The following ABI3BP variants were observed in gnomAD, a reference collection of about 807,000 sequenced individuals.
ABI3BP encodes the protein target of Nesh-SH3.
ABI3BP carries 216 observed loss-of-function variants against 268.6 expected under a neutral mutation model. The observed-to-expected ratio is 0.80, with a 90% CI of 0.72 to 0.90. ABI3BP has a LOEUF of 0.90. Ranked by LOEUF, ABI3BP falls within the 40% of genes least tolerant of loss-of-function variation. The probability of loss-of-function intolerance (pLI) is 0.00; values close to 1 mark genes in which losing one functional copy is unlikely to be tolerated. For synonymous variants in ABI3BP, 730 were observed against 730.0 expected, an observed-to-expected ratio of 1.00 and a Z score of 0.00; for missense variants, 2,090 against 2,182.4, an observed-to-expected ratio of 0.96 and a Z score of 0.84.
chr3:100,749,747 G>T lies in ABI3BP; in HGVS notation c.*748C>A, dbSNP rs747399919. 1.5e-5 allele frequency: 6 copies of T among 398,362 alleles called. No individual in the cohort carries two copies. Among genetic ancestry groups the T allele is most frequent in the Non-Finnish European group, 2.7e-5 (6 of 225,752 alleles). 24.7% of individuals were successfully genotyped at this position (398,362 alleles called of 1,614,324 possible). On this transcript the variant is annotated 3_prime_UTR_variant, in exon 68 of 68. Coordinates refer to ENST00000471714, the MANE Select transcript of ABI3BP (RefSeq NM_001375547.2). ...TCATAAAAACAATATGAAGACGATT[G>T]CATAAAGGGATAGTTTGACAAAGCA... is the stretch of plus-strand genomic sequence containing the variant.
chr3:100,841,921 ACCC>A, intron 21 of ABI3BP, 74 bp downstream of exon 21: 11 of 1,255,896 alleles, frequency 8.8e-6, no homozygotes, highest in Middle Eastern at 2.4e-4. Flanking sequence ...AAAAAACAAA[ACCC>A]AAAGCTGAAC....
chr3:100,906,525 T>C (rs757554431), intron 2 of ABI3BP, among the ~76,000 whole-genome samples: 7 of 152,226 alleles, frequency 4.6e-5, no homozygotes, highest in Admixed American at 4.6e-4. Flanking sequence ...CCTGGAAATA[T>C]ATACATTGTA....
rs1561920085 is a variant in ABI3BP, at chr3:100,944,552, G to T, written c.80-18071C>A. Among the ~76,000 whole-genome samples, 4 of 152,080 alleles carry T rather than the reference G, an allele frequency of 2.6e-5. No homozygotes were observed. In the South Asian group the frequency reaches 8.3e-4, roughly 31 times the overall value. On this transcript the variant is annotated intron_variant, in intron 1 of 67. Coordinates refer to ENST00000471714, the MANE Select transcript of ABI3BP (RefSeq NM_001375547.2). ...ATTGAAAATACTCTTGATAAAAAATGAAAATCTTGCCATCTTGCAAAAACA... is the reference window on the plus strand; with the variant it reads ...ATTGAAAATACTCTTGATAAAAAATTAAAATCTTGCCATCTTGCAAAAACA...
At chr3:100,862,974 T>C in intron 12 of ABI3BP, 65 bp from the exon 13 acceptor site, 1 of 1,294,422 alleles carries the variant, frequency 7.7e-7, no homozygotes, top group Non-Finnish European at 1.1e-6. Flanking sequence ...ATTTTTAAAA[T>C]TTTAAGCTTG....
chr3:100,882,695 G>C (rs995548467), intron 6 of ABI3BP, among the ~76,000 whole-genome samples: 5 of 151,680 alleles, frequency 3.3e-5, no homozygotes, highest in African/African-American at 1.2e-4. Context: ...TATTGAGGGG[G>C]AAAAAAATTA....
chr3:100,766,320 A>G (rs574433398), intron 62 of ABI3BP, among the ~76,000 whole-genome samples: 55 of 152,348 alleles, frequency 3.6e-4, no homozygotes, highest in African/African-American at 1.3e-3. Flanking sequence ...AAAGCACTGT[A>G]GGAGGAGTGG....
intron 12 of ABI3BP, 98 bp downstream of exon 12, chr3:100,863,904 T>C (rs1437958237): frequency 1.1e-6 from 1 of 888,208 alleles, no homozygotes; most frequent in Non-Finnish European, 1.8e-6. Flanking sequence ...CTTTAAGGGA[T>C]TGGGTATAAA....
chr3:100,894,952 A>AAAAAAAAAAAAAAAAAAAAAAAAC (rs1561384128), intron 4 of ABI3BP, among the ~76,000 whole-genome samples: 4 of 111,726 alleles, frequency 3.6e-5, no homozygotes, highest in Admixed American at 8.7e-5. Context: ...AAAAAAAAAA[A>AAAAAAAAAAAAAAAAAAAAAAAAC]AAAAAAAAAA....
chr3:100,860,921 C>T (rs2098991101), intron 14 of ABI3BP, among the ~76,000 whole-genome samples: 1 of 152,192 alleles, frequency 6.6e-6, no homozygotes, highest in Non-Finnish European at 1.5e-5. Flanking sequence ...TAAACCATCA[C>T]ATATGCCCCT....
chr3:100,956,185 A>C (rs1025039126), intron 1 of ABI3BP, among the ~76,000 whole-genome samples: 1 of 147,422 alleles, frequency 6.8e-6, no homozygotes, highest in African/African-American at 2.5e-5. Flanking sequence ...CAAGACTCAG[A>C]CTCTGTCTCA....
intron 1 of ABI3BP, among the ~76,000 whole-genome samples, chr3:100,933,479 T>C (rs1156435193): frequency 6.6e-6 from 1 of 151,670 alleles, no homozygotes; most frequent in East Asian, 1.9e-4. Context: ...ATCAAAATAA[T>C]AAAGTCAATT....
chr3:100,898,911 G>A lies in ABI3BP; in HGVS notation c.329-17C>T. On this transcript the variant is annotated splice_polypyrimidine_tract_variant and intron_variant, in intron 3 of 67. Transcript: ENST00000471714. ...GAGTTTTACCTGTGGAGGTGGCATA[G>A]AGGTTAATAATTCAGGAGACATTTA... 1 of 1,595,196 alleles carries A rather than the reference G, an allele frequency of 6.3e-7. No homozygotes were observed.
intron 1 of ABI3BP, among the ~76,000 whole-genome samples, chr3:100,965,036 G>GT (rs145195992): frequency 0.14 from 21,329 of 152,236 alleles, 1,584 homozygotes; most frequent in Middle Eastern, 0.2. Context: ...CATTATTTAA[G>GT]TTCTAATAGT....
intron 1 of ABI3BP, among the ~76,000 whole-genome samples, chr3:100,964,144 T>G (rs1403899617): frequency 1.3e-5 from 2 of 152,140 alleles, no homozygotes; most frequent in Non-Finnish European, 2.9e-5. Flanking sequence ...GGTGGGATCT[T>G]GCAAGGGTGA....
chr3:100,987,853 A>G (rs1431851305), intron 1 of ABI3BP, among the ~76,000 whole-genome samples: 4 of 152,208 alleles, frequency 2.6e-5, no homozygotes, highest in Non-Finnish European at 5.9e-5. Flanking sequence ...TTATTAGTAT[A>G]CTTTTAAGAA....
At chr3:100,868,316 C>T (rs865942959) in intron 9 of ABI3BP, among the ~76,000 whole-genome samples, 1 of 152,218 alleles carries the variant, frequency 6.6e-6, no homozygotes, top group Non-Finnish European at 1.5e-5. Flanking sequence ...TGCTCTCACA[C>T]ACTTTTGGAA....
chr3:100,757,539 A>T (rs1019365095), intron 63 of ABI3BP, among the ~76,000 whole-genome samples: 1 of 143,200 alleles, frequency 7.0e-6, no homozygotes, highest in Non-Finnish European at 1.6e-5. Flanking sequence ...GTATCAAAGT[A>T]AAACAACTTT....
At chr3:100,898,165 T>G (rs1233100592) in intron 4 of ABI3BP, among the ~76,000 whole-genome samples, 2 of 152,220 alleles carry the variant, frequency 1.3e-5, no homozygotes, top group Non-Finnish European at 2.9e-5. Context: ...TTTCCTCTGC[T>G]TATATCTCTG....
intron 1 of ABI3BP, among the ~76,000 whole-genome samples, chr3:100,935,409 T>C (rs1042024771): frequency 6.6e-6 from 1 of 152,136 alleles, no homozygotes; most frequent in Non-Finnish European, 1.5e-5. Flanking sequence ...AGTCAGGTAG[T>C]GTGATGCCTC....
Sources: allele counts gnomAD v4.1 joint callset (sites outside exome capture counted in the v4.1 genomes callset), GRCh38; gene constraint gnomAD v4.1.1; transcripts MANE v1.5; gene names NCBI Gene and HGNC (gene_info 2026-07-23, HGNC 2026-07-21).